Variants in ZNF90 observed in about 807,000 individuals in gnomAD.
The protein encoded by ZNF90 is zinc finger protein 90.
In ZNF90, 11 loss-of-function variants were observed where a neutral mutation model predicts 12.0. That is an observed-to-expected ratio of 0.92 (90% CI 0.58 to 1.52). The LOEUF (loss-of-function observed/expected upper bound fraction) is 1.52. ZNF90 is among the 40% of genes most tolerant of loss of function. ZNF90 has a pLI of 0.00. For synonymous variants in ZNF90, 232 were observed against 240.1 expected (o/e 0.97, Z 0.31); for missense variants, 765 against 711.5 (o/e 1.08, Z -0.86).
At position 20,118,406 on chromosome 19, in the gene ZNF90, C is replaced by G. The variant is rs2089161326; in HGVS notation, c.852C>G (p.Pro284=). The G allele has an allele frequency of 1.9e-6, 3 of 1,609,756 alleles. No homozygotes were observed. Among genetic ancestry groups the G allele is most frequent in the South Asian group, 1.1e-5 (1 of 90,566 alleles). ...AHKRIHTGEK[P]YKCDKCGRAF... ...AGAGAATTCATACTGGAGAGAAACC[C>G]TACAAGTGTGATAAATGTGGCAGAG... is the stretch of plus-strand genomic sequence containing the variant. Residue 284 remains proline, a synonymous_variant, in exon 4 of 4, where the codon CCC becomes CCG. Transcript: ENST00000418063.
At chr19:20,083,989 C>A (rs2088840049) in intron 1 of ZNF90, among the ~76,000 whole-genome samples, 1 of 152,164 alleles carries the variant, frequency 6.6e-6, no homozygotes, top group African/African-American at 2.4e-5. Flanking sequence ...CTTCTAAACT[C>A]AGGCAATCCA....
intron 3 of ZNF90, 125 bp from the exon 4 acceptor site, chr19:20,117,656 C>T: frequency 1.4e-6 from 2 of 1,401,918 alleles, no homozygotes; most frequent in Non-Finnish European, 1.9e-6. Flanking sequence ...GTAATGTGTT[C>T]TTATTGTTTC....
intron 1 of ZNF90, among the ~76,000 whole-genome samples, chr19:20,088,993 C>T (rs933340990): frequency 1.3e-5 from 2 of 152,046 alleles, no homozygotes; most frequent in Admixed American, 6.5e-5. Context: ...ATGTGCCTGT[C>T]CAATTAGCAG....
intron 1 of ZNF90, chr19:20,080,565 CTCTTT>C (rs1182751625): frequency 4.8e-6 from 1 of 209,258 alleles, no homozygotes; most frequent in African/African-American, 2.4e-5. Context: ...GGAAAGAGTT[CTCTTT>C]TCTTTGATCT....
rs2089170921 is a variant in ZNF90, at chr19:20,118,956, C to T, written c.1402C>T (p.Leu468Phe). 6.2e-7 allele frequency: 1 copy of T among 1,612,326 alleles called. No homozygotes were observed. The highest frequency in any genetic ancestry group is 8.5e-7 in the Non-Finnish European group (1 of 1,179,164). The stretch of plus-strand genomic sequence containing the variant: ...CAAAGCCTTCAAGCGCTCCTCAAAC[C>T]TTACTACACATAAGATAAGTCATAC... ...CGKAFKRSSN[L>F]TTHKISHTEE... Residue 468 changes from leucine (L) to phenylalanine (F), a missense_variant, in exon 4 of 4, where the codon CTT (leucine) becomes TTT (phenylalanine). Coordinates refer to ENST00000418063, the MANE Select transcript of ZNF90 (RefSeq NM_007138.2).
intron 1 of ZNF90, among the ~76,000 whole-genome samples, chr19:20,096,695 G>T (rs1218451166): frequency 6.6e-6 from 1 of 152,126 alleles, no homozygotes; most frequent in Non-Finnish European, 1.5e-5. Context: ...CTTCTTTTGT[G>T]ATTCTTCAGT....
intron 3 of ZNF90, 36 bp from the exon 4 acceptor site, chr19:20,117,745 G>C (rs1178871889): frequency 6.9e-7 from 1 of 1,452,516 alleles, no homozygotes; most frequent in Non-Finnish European, 9.1e-7. Flanking sequence ...TCAGAATCTA[G>C]CAATTGAAGT....
In ZNF90 at chr19:20,104,172, C is replaced by T; in HGVS notation, c.4-67C>T. The stretch of plus-strand genomic sequence containing the variant: ...TCTTTACTCTCCAATTTCACCTTAA[C>T]TCAAATTACAAACTTTGCCCATGAC... On this transcript the variant is annotated intron_variant, in intron 1 of 3. Coordinates refer to ENST00000418063, the MANE Select transcript of ZNF90 (RefSeq NM_007138.2). 2.5e-6 allele frequency: 4 copies of T among 1,602,192 alleles called. No homozygotes were observed. In the South Asian group the frequency reaches 3.3e-5, roughly 13 times the overall value.
intron 1 of ZNF90, among the ~76,000 whole-genome samples, chr19:20,089,605 TA>T (rs781798113): frequency 4.6e-5 from 7 of 152,026 alleles, no homozygotes; most frequent in Non-Finnish European, 8.8e-5. Context: ...GAGGTCCAAA[TA>T]GGGGGGAAGT....
In ZNF90 at chr19:20,094,332, C is replaced by T. The variant is rs560023259; in HGVS notation, c.4-9907C>T. On this transcript the variant is annotated intron_variant, in intron 1 of 3. Transcript: ENST00000418063. Reference sequence around the variant, plus strand: ...AATTTTTGAAGTTTTTTTGTAATGTCAGGAGCTGACTGGGTGATAAAATGC... The same window carrying T: ...AATTTTTGAAGTTTTTTTGTAATGTTAGGAGCTGACTGGGTGATAAAATGC... Among the ~76,000 whole-genome samples the T allele has an allele frequency of 6.5e-4, 99 of 152,238 alleles. 1 individual carries two copies. Among genetic ancestry groups the T allele is most frequent in the African/African-American group, 2.3e-3 (97 of 41,532 alleles).
At chr19:20,081,661 CAG>C (rs1224890184) in intron 1 of ZNF90, among the ~76,000 whole-genome samples, 1 of 152,340 alleles carries the variant, frequency 6.6e-6, no homozygotes, top group Admixed American at 6.5e-5. Context: ...AGAAATAAAT[CAG>C]AGTGTGGCCC....
At position 20,120,662 on chromosome 19, in the gene ZNF90, AT is replaced by A. The variant is rs2089187364; in HGVS notation, c.*1303del. On this transcript the variant is annotated 3_prime_UTR_variant, in exon 4 of 4. Transcript: ENST00000418063. Reference sequence around the variant, plus strand: ...GAATTTACAGTAGAATAAGGCACTGATACTTCAGACATTACACTAAAACAGT... The same window carrying A: ...GAATTTACAGTAGAATAAGGCACTGAACTTCAGACATTACACTAAAACAGT... Among the ~76,000 whole-genome samples, 2 of 152,226 alleles carry A rather than the reference AT, an allele frequency of 1.3e-5. No individual in the cohort carries two copies. Among genetic ancestry groups the A allele is most frequent in the African/African-American group, 2.4e-5 (1 of 41,456 alleles).
chr19:20,109,987 C>T (rs947062917), intron 3 of ZNF90, among the ~76,000 whole-genome samples: 6 of 152,306 alleles, frequency 3.9e-5, no homozygotes, highest in Admixed American at 1.3e-4. Flanking sequence ...AAACCTTCCA[C>T]TTTCTGATTT....
At chr19:20,104,064 C>T (rs1438239696) in intron 1 of ZNF90, among the ~76,000 whole-genome samples, 175 bp from the exon 2 acceptor site, 4 of 152,026 alleles carry the variant, frequency 2.6e-5, no homozygotes, top group Admixed American at 6.6e-5. Flanking sequence ...TCTTTTTTCT[C>T]AGGCAATATA....
intron 1 of ZNF90, among the ~76,000 whole-genome samples, chr19:20,085,268 C>CTTTTTTTTTTCTTTTTTTCTT (rs56068843): frequency 7.4e-6 from 1 of 135,572 alleles, no homozygotes; most frequent in African/African-American, 2.9e-5. Flanking sequence ...TTGCATTGGT[C>CTTTTTTTTTTCTTTTTTTCTT]TTTTTTTTTT....
chr19:20,093,868 CG>C (rs1353529175), intron 1 of ZNF90, among the ~76,000 whole-genome samples: 3 of 144,116 alleles, frequency 2.1e-5, no homozygotes, highest in East Asian at 4.5e-4. Flanking sequence ...CCGAGGCGAT[CG>C]GGCAATGTCA....
intron 3 of ZNF90, among the ~76,000 whole-genome samples, chr19:20,110,372 G>C (rs1166260478): frequency 6.6e-6 from 1 of 151,936 alleles, no homozygotes; most frequent in Admixed American, 6.6e-5. Flanking sequence ...CCTGCCTCCT[G>C]GGTTCAAGCA....
At chr19:20,097,723 A>G (rs1420664673) in intron 1 of ZNF90, among the ~76,000 whole-genome samples, 1 of 152,202 alleles carries the variant, frequency 6.6e-6, no homozygotes, top group Non-Finnish European at 1.5e-5. Flanking sequence ...TTGGGAAATA[A>G]AAAACTTTAT....
In ZNF90 at chr19:20,118,467, A is replaced by G. The variant is rs1339104581; in HGVS notation, c.913A>G (p.Ile305Val). ...ATCCTCGATCCTTTATGTACATAAGATAAGTCATACTGAAGAGAAACCCTA... is the reference window on the plus strand; with the variant it reads ...ATCCTCGATCCTTTATGTACATAAGGTAAGTCATACTGAAGAGAAACCCTA... Reference protein sequence around the residue: ...ISSSILYVHKISHTEEKPYKC... With the variant: ...ISSSILYVHKVSHTEEKPYKC... The change falls in exon 4 of 4, where the codon ATA becomes GTA. Residue 305 changes from isoleucine to valine, a missense_variant. Ile to Val is a conservative substitution (Grantham distance 29, BLOSUM62 3). Transcript: ENST00000418063. 1.1e-5 allele frequency: 18 copies of G among 1,613,488 alleles called. No individual in the cohort carries two copies. The highest frequency in any genetic ancestry group is 1.6e-4 in the Middle Eastern group (1 of 6,080).
Sources: allele counts gnomAD v4.1 joint callset (sites outside exome capture counted in the v4.1 genomes callset), GRCh38; gene constraint gnomAD v4.1.1; transcripts MANE v1.5; gene names NCBI Gene and HGNC (gene_info 2026-07-23, HGNC 2026-07-21).